The following CAMTA1 variants were observed in gnomAD, a reference collection of about 807,000 sequenced individuals.
CAMTA1 encodes the protein calmodulin binding transcription activator 1, also known as calmodulin-binding transcription activator 1.
CAMTA1 carries 27 observed loss-of-function variants against 170.9 expected under a neutral mutation model. The ratio of observed to expected loss-of-function variants is 0.16; its 90% CI spans 0.12 to 0.22. The LOEUF (loss-of-function observed/expected upper bound fraction) is 0.22, where lower values mean the gene tolerates loss of function less well. Among genes scored for constraint, CAMTA1 ranks in the 10% least tolerant of loss-of-function variants. CAMTA1 has a pLI of 1.00. For synonymous variants in CAMTA1, 833 were observed against 891.5 expected (o/e 0.93, Z 1.17); for missense variants, 1,619 against 2,217.2 (o/e 0.73, Z 5.42).
At chr1:7,553,637 GA>G (rs2094837516) in intron 6 of CAMTA1, among the ~76,000 whole-genome samples, 1 of 152,220 alleles carries the variant, frequency 6.6e-6, no homozygotes. Context: ...TGGGGGTGCT[GA>G]AAGGTGCTGA....
Position 7,144,328 on chromosome 1 carries a change from A to G in CAMTA1, c.302+52957A>G, listed in dbSNP as rs1397445957. ...GAGACAGCAAGAGACAGAGCGAAAGAGAGAGTCTCTTTTCGTTCTAAGGCC... is the reference window on the plus strand; with the variant it reads ...GAGACAGCAAGAGACAGAGCGAAAGGGAGAGTCTCTTTTCGTTCTAAGGCC... On this transcript the variant is annotated intron_variant, in intron 4 of 22. Transcript: ENST00000303635. The surrounding 1 kb of genome is among the most constrained non-coding windows in gnomAD (Gnocchi z 4.0). Among the ~76,000 whole-genome samples the G allele has an allele frequency of 6.6e-6, 1 of 152,078 alleles. No homozygotes were observed. Among genetic ancestry groups the G allele is most frequent in the East Asian group, 1.9e-4 (1 of 5,156 alleles).
chr1:7,451,807 C>G (rs1047458219), intron 5 of CAMTA1, among the ~76,000 whole-genome samples: 2 of 152,202 alleles, frequency 1.3e-5, no homozygotes, highest in Admixed American at 6.5e-5. Flanking sequence ...GCCCTCAGCT[C>G]CCCTGGTTTC....
intron 5 of CAMTA1, among the ~76,000 whole-genome samples, chr1:7,276,432 T>G (rs546956110): frequency 6.7e-6 from 1 of 150,358 alleles, no homozygotes; most frequent in South Asian, 2.1e-4. Flanking sequence ...GCCTCTAGCC[T>G]CTTGAGTAGC....
chr1:7,207,155 G>A (rs1038165721), intron 4 of CAMTA1, among the ~76,000 whole-genome samples: 3 of 152,190 alleles, frequency 2.0e-5, no homozygotes, highest in African/African-American at 7.2e-5. Flanking sequence ...TCAACAATCA[G>A]CATCCACTGA....
At chr1:7,648,119 C>G (rs2095822268) in intron 7 of CAMTA1, among the ~76,000 whole-genome samples, 1 of 152,036 alleles carries the variant, frequency 6.6e-6, no homozygotes, top group Non-Finnish European at 1.5e-5. Flanking sequence ...GAGGGCTGGA[C>G]ATGGTGGCTG....
intron 3 of CAMTA1, among the ~76,000 whole-genome samples, chr1:7,089,151 G>C (rs891896857): frequency 5.3e-5 from 8 of 152,122 alleles, no homozygotes; most frequent in African/African-American, 1.7e-4. Context: ...GCTATTGTTT[G>C]GGGCTTGTCC....
intron 3 of CAMTA1, among the ~76,000 whole-genome samples, chr1:6,857,677 TAACTC>T (rs34785138): frequency 0.08 from 12,234 of 152,230 alleles, 610 homozygotes; most frequent in African/African-American, 0.14. Flanking sequence ...AGGCATTCGT[TAACTC>T]AACAAATATT....
rs1360061361 is a variant in CAMTA1 at position 7,673,051 on chromosome 1, T to C, written c.2779+2014T>C. On this transcript the variant is annotated intron_variant, in intron 10 of 22. Coordinates refer to ENST00000303635, the MANE Select transcript of CAMTA1 (RefSeq NM_015215.4). This position sits in a 1 kb window ranked among gnomAD's most constrained non-coding sequence, Gnocchi z 4.6. ...CCGGCGGGAGTGGCGGGGAGGGCAC[T>C]GTGGAATTAAACAGTGCACCCATCA... Among the ~76,000 whole-genome samples, 1 of 151,980 alleles carries C rather than the reference T, an allele frequency of 6.6e-6. No individual in the cohort carries two copies. Among genetic ancestry groups the C allele is most frequent in the Non-Finnish European group, 1.5e-5 (1 of 67,982 alleles).
chr1:7,421,973 G>C (rs567981858), intron 5 of CAMTA1, among the ~76,000 whole-genome samples: 15 of 140,856 alleles, frequency 1.1e-4, no homozygotes, highest in Non-Finnish European at 2.0e-4. Context: ...CCGTGGCTGG[G>C]GGAGTGGAGG....
chr1:6,895,983 A>T (rs1675584775), intron 3 of CAMTA1, among the ~76,000 whole-genome samples: 1 of 152,142 alleles, frequency 6.6e-6, no homozygotes, highest in African/African-American at 2.4e-5. Flanking sequence ...GAGTAGTTAG[A>T]TGTACCTGCA....
rs185215926 is a variant in CAMTA1 at position 7,109,861 on chromosome 1, C to T, written c.302+18490C>T. On this transcript the variant is annotated intron_variant, in intron 4 of 22. Transcript: ENST00000303635. ...TCTAGATGGGATGATTCAGAGGGGA[C>T]GCTGCTGAGGAGCACTCGGGGTCTG... Among the ~76,000 whole-genome samples, 62 of 152,238 alleles carry T rather than the reference C, an allele frequency of 4.1e-4. No homozygotes were observed. In the East Asian group the frequency reaches 6.8e-3, roughly 17 times the overall value.
intron 3 of CAMTA1, among the ~76,000 whole-genome samples, chr1:6,985,973 C>T (rs1013069641): frequency 3.3e-5 from 5 of 152,222 alleles, no homozygotes; most frequent in Non-Finnish European, 5.9e-5. Context: ...TTAACTCTTT[C>T]CGGCCCTACC....
intron 6 of CAMTA1, among the ~76,000 whole-genome samples, chr1:7,509,118 C>T (rs2094164375): frequency 6.6e-6 from 1 of 152,176 alleles, no homozygotes; most frequent in African/African-American, 2.4e-5. Context: ...CTGGAGGCAG[C>T]AAATGGAAGC....
At chr1:7,751,503 T>C in intron 20 of CAMTA1, 111 bp downstream of exon 20, 1 of 837,120 alleles carries the variant, frequency 1.2e-6, no homozygotes, top group South Asian at 2.2e-5. Context: ...CCTAAAGCAT[T>C]GGCAGTCACT....
At position 7,245,216 on chromosome 1, in the gene CAMTA1, TCA is replaced by T. The variant is rs200151323; in HGVS notation, c.303-4262_303-4261del. On this transcript the variant is annotated intron_variant, in intron 4 of 22. Coordinates refer to ENST00000303635, the MANE Select transcript of CAMTA1 (RefSeq NM_015215.4). ...ATGTGTGTGTGTATATATATATATA[TCA>T]CACACACACACATACATACATACAT... Among the ~76,000 whole-genome samples, 983 of 150,076 alleles carry T rather than the reference TCA, an allele frequency of 6.6e-3. 52 individuals are homozygous for T. The East Asian group carries it at 0.11, about 17-fold the overall frequency.
intron 4 of CAMTA1, among the ~76,000 whole-genome samples, chr1:7,159,656 A>C (rs891143730): frequency 6.6e-6 from 1 of 151,952 alleles, no homozygotes; most frequent in Non-Finnish European, 1.5e-5. Flanking sequence ...CAATCCTCCC[A>C]CCTCAGTCTC....
intron 3 of CAMTA1, among the ~76,000 whole-genome samples, chr1:7,021,950 C>T (rs1203807149): frequency 1.3e-5 from 2 of 152,128 alleles, no homozygotes; most frequent in African/African-American, 4.8e-5. Context: ...GTAGGACAAG[C>T]CTATGCAACA....
At chr1:7,291,700 G>A (rs1486820318) in intron 5 of CAMTA1, among the ~76,000 whole-genome samples, 2 of 152,274 alleles carry the variant, frequency 1.3e-5, no homozygotes, top group Non-Finnish European at 2.9e-5. Context: ...AGGGCAGAGA[G>A]CCTAGCCCAG....
At chr1:7,312,030 C>G (rs529932609) in intron 5 of CAMTA1, among the ~76,000 whole-genome samples, 1 of 152,254 alleles carries the variant, frequency 6.6e-6, no homozygotes, top group Admixed American at 6.5e-5. Context: ...CTCCTTGGGC[C>G]TCTCTTTTTC....
Sources: allele counts gnomAD v4.1 joint callset (sites outside exome capture counted in the v4.1 genomes callset), GRCh38; gene constraint gnomAD v4.1.1; non-coding constraint Gnocchi (gnomAD v3.1); transcripts MANE v1.5; gene names NCBI Gene and HGNC (gene_info 2026-07-23, HGNC 2026-07-21).